The following ZNF154 variants were observed in gnomAD, a reference collection of about 807,000 sequenced individuals.
ZNF154 encodes the protein zinc finger protein 154 (pHZ-92).
Under a neutral mutation model 7.5 loss-of-function variants are expected in ZNF154, and 6 were observed. That is an observed-to-expected ratio of 0.80 (90% CI 0.44 to 1.57). The LOEUF is 1.57. Among genes scored for constraint, ZNF154 ranks in the 40% most tolerant of loss-of-function variants. The pLI, the probability that ZNF154 is intolerant of heterozygous loss-of-function variation, is 0.01. For synonymous variants in ZNF154, 187 were observed against 185.9 expected (o/e 1.01, Z -0.05); for missense variants, 485 against 531.4 (o/e 0.91, Z 0.86).
In ZNF154 at chr19:57,704,843, A is replaced by G. The variant is rs1341736778; in HGVS notation, c.160+10T>C. ...AGCTCAGGGCACAGGAAAGGGTAAA[A>G]GAACCTTACCTAGAGAGGTTAAAAG... On this transcript the variant is annotated intron_variant, in intron 2 of 2. Transcript: ENST00000684351. The G allele has an allele frequency of 1.9e-6, 3 of 1,608,838 alleles. No homozygotes were observed. The highest frequency in any genetic ancestry group is 2.5e-6 in the Non-Finnish European group (3 of 1,178,542).
chr19:57,704,896 G>A lies in ZNF154; in HGVS notation c.117C>T (p.Tyr39=). 6.2e-7 allele frequency: 1 copy of A among 1,613,638 alleles called. No individual in the cohort carries two copies. Among genetic ancestry groups the A allele is most frequent in the Non-Finnish European group, 8.5e-7 (1 of 1,179,880 alleles). The part of the protein sequence containing the change: ...GLLDEAQRCL[Y]RDVMLENLAL... ...CCAAGTTCTCCAGCATCACATCACG[G>A]TACAGGCATCTTTGAGCCTCATCAA... The change falls in exon 2 of 3, where the codon TAC becomes TAT. Residue 39 remains tyrosine (Y), a synonymous_variant. Transcript: ENST00000684351.
At chr19:57,705,016 C>G in intron 1 of ZNF154, 37 bp from the exon 2 acceptor site, 2 of 1,584,124 alleles carry the variant, frequency 1.3e-6, no homozygotes, top group Non-Finnish European at 1.7e-6. Flanking sequence ...ACCAAGAGCC[C>G]CTATCCCAAG....
chr19:57,697,133 T>C lies in ZNF154; in HGVS notation c.*4502A>G, dbSNP rs1984926836. On this transcript the variant is annotated 3_prime_UTR_variant, in exon 3 of 3. Coordinates refer to ENST00000684351, the MANE Select transcript of ZNF154 (RefSeq NM_001085384.3). ...GAAGGAGTGAGGCTTTTTTCTTACC[T>C]TGCAATTTCTTAGTGGATTGTCTGT... Among the ~76,000 whole-genome samples, 1 of 152,230 alleles carries C rather than the reference T, an allele frequency of 6.6e-6. No individual in the cohort carries two copies. Among genetic ancestry groups the C allele is most frequent in the Admixed American group, 6.5e-5 (1 of 15,284 alleles).
intron 1 of ZNF154, among the ~76,000 whole-genome samples, chr19:57,706,031 A>G (rs1160552102): frequency 6.6e-6 from 1 of 152,138 alleles, no homozygotes; most frequent in East Asian, 1.9e-4. Flanking sequence ...GGTCTCCTTG[A>G]TTAAAAGGGT....
chr19:57,701,730 G>GAACC lies in ZNF154; in HGVS notation c.1215_1218dup (p.His407GlyfsTer9). 1 of 1,614,176 alleles carries GAACC rather than the reference G, an allele frequency of 6.2e-7. No individual in the cohort carries two copies. Among genetic ancestry groups the GAACC allele is most frequent in the Non-Finnish European group, 8.5e-7 (1 of 1,180,014 alleles). On this transcript the variant is annotated frameshift_variant, in exon 3 of 3. Coordinates refer to ENST00000684351, the MANE Select transcript of ZNF154 (RefSeq NM_001085384.3). LOFTEE classifies it low-confidence loss of function (END_TRUNC). Reference sequence around the variant, plus strand: ...CACTCATAAGGCTTCTCCCCAGTGTGAACCCTCCTGTGCTTAATGAGGCCG... The same window carrying GAACC: ...CACTCATAAGGCTTCTCCCCAGTGTGAACCAACCCTCCTGTGCTTAATGAGGCCG...
chr19:57,704,990 G>A lies in ZNF154; in HGVS notation c.34-11C>T. The stretch of plus-strand genomic sequence containing the variant: ...AAAGGTCACAGTGCCCTGCCACAAT[G>A]GGAACAGATGAAACCACCAAGAGCC... On this transcript the variant is annotated splice_polypyrimidine_tract_variant and intron_variant, in intron 1 of 2. Transcript: ENST00000684351. 4.4e-6 allele frequency: 7 copies of A among 1,602,354 alleles called. No homozygotes were observed. The highest frequency in any genetic ancestry group is 6.0e-6 in the Non-Finnish European group (7 of 1,175,806).
chr19:57,708,394 G>A (rs189767169), intron 1 of ZNF154, among the ~76,000 whole-genome samples: 212 of 152,142 alleles, frequency 1.4e-3, no homozygotes, highest in African/African-American at 4.9e-3. Flanking sequence ...GTGAAATCCC[G>A]TCTCTACTAA....
chr19:57,697,673 T>C lies in ZNF154; in HGVS notation c.*3962A>G, dbSNP rs1600028835. 1 of 152,002 alleles carries C rather than the reference T, an allele frequency of 6.6e-6. No individual in the cohort carries two copies. Among genetic ancestry groups the C allele is most frequent in the South Asian group, 2.1e-4 (1 of 4,820 alleles). The allele number at this position is 152,002 out of a possible 1,614,324, so 9.4% of individuals were successfully genotyped here. A position where few individuals can be genotyped will look rare whatever the true frequency, so the allele number is the denominator to read the frequency against. On this transcript the variant is annotated 3_prime_UTR_variant, in exon 3 of 3. Transcript: ENST00000684351. ...AGGCTATGCATTAAATAATATGATA[T>C]CCGGGAGTATAAGTAAAATAACGCA... is the stretch of plus-strand genomic sequence containing the variant.
At chr19:57,705,087 A>G in intron 1 of ZNF154, 108 bp from the exon 2 acceptor site, 6 of 1,442,814 alleles carry the variant, frequency 4.2e-6, no homozygotes, top group South Asian at 1.5e-5. Flanking sequence ...AAGCTCCCCA[A>G]CTGAGAGGAG....
intron 2 of ZNF154, among the ~76,000 whole-genome samples, chr19:57,703,684 G>A (rs1600036208): frequency 6.6e-6 from 1 of 152,126 alleles, no homozygotes; most frequent in South Asian, 2.1e-4. Context: ...AAATACGACT[G>A]CAATGCAGCA....
chr19:57,696,616 A>G lies in ZNF154; in HGVS notation c.*5019T>C, dbSNP rs1489349505. 6.6e-6 allele frequency among the ~76,000 whole-genome samples: 1 copy of G among 152,166 alleles called. No homozygotes were observed. The highest frequency in any genetic ancestry group is 1.5e-5 in the Non-Finnish European group (1 of 68,040). On this transcript the variant is annotated 3_prime_UTR_variant, in exon 3 of 3. Transcript: ENST00000684351. ...GGAAGTGCTGCAAGCACCAAGACCC[A>G]GGGTGGTAACTTGCAGGGGGAGGCC...
At chr19:57,704,779 A>C in intron 2 of ZNF154, 74 bp downstream of exon 2, 1 of 1,552,098 alleles carries the variant, frequency 6.4e-7, no homozygotes, top group Non-Finnish European at 8.7e-7. Flanking sequence ...CATGAGAAGG[A>C]CAGACCTGCC....
rs1304845227 is a variant in ZNF154, at chr19:57,696,923, C to T, written c.*4712G>A. Among the ~76,000 whole-genome samples the T allele has an allele frequency of 6.6e-6, 1 of 152,210 alleles. No homozygotes were observed. Among genetic ancestry groups the T allele is most frequent in the African/African-American group, 2.4e-5 (1 of 41,452 alleles). On this transcript the variant is annotated 3_prime_UTR_variant, in exon 3 of 3. Transcript: ENST00000684351. ...ATCCAGCAGCCCCAAGGCAGCTCCC[C>T]TCATTATCCTCTGTCATAAAGATAT...
chr19:57,699,517 CAA>C lies in ZNF154; in HGVS notation c.*2116_*2117del, dbSNP rs2122376387. 3.1e-6 allele frequency: 1 copy of C among 323,556 alleles called. No homozygotes were observed. Among genetic ancestry groups the C allele is most frequent in the Admixed American group, 3.1e-5 (1 of 32,654 alleles). 20.0% of individuals were successfully genotyped at this position (323,556 alleles called of 1,614,324 possible). ...GGTTCAAGAAGTTTTGCAAAGGAGA[CAA>C]GAGCCTTGAAGAGAAGTAGTGGCCA... is the stretch of plus-strand genomic sequence containing the variant. On this transcript the variant is annotated 3_prime_UTR_variant, in exon 3 of 3. Transcript: ENST00000684351.
Position 57,709,099 on chromosome 19 carries a change from G to A in ZNF154, c.-128C>T. 1 of 1,305,716 alleles carries A rather than the reference G, an allele frequency of 7.7e-7. No individual in the cohort carries two copies. The highest frequency in any genetic ancestry group is 1.1e-6 in the Non-Finnish European group (1 of 935,570). The allele number at this position is 1,305,716 out of a possible 1,614,324, so 80.9% of individuals were successfully genotyped here. On this transcript the variant is annotated 5_prime_UTR_variant, in exon 1 of 3. It adds an upstream start codon to the 5' untranslated region. Coordinates refer to ENST00000684351, the MANE Select transcript of ZNF154 (RefSeq NM_001085384.3). ...GCGTCGCCAAGGCTTAGACGCTTTCGTGCAGGAGGGACGACGACTCCCCTC... is the reference window on the plus strand; with the variant it reads ...GCGTCGCCAAGGCTTAGACGCTTTCATGCAGGAGGGACGACGACTCCCCTC...
At position 57,699,407 on chromosome 19, in the gene ZNF154, C is replaced by A. The variant is rs11881977; in HGVS notation, c.*2228G>T. The stretch of plus-strand genomic sequence containing the variant: ...GGCTGAGATTTTCTTACTTGAGTTC[C>A]CAATGGGTCGTAAAGCAGCAGAGAC... On this transcript the variant is annotated 3_prime_UTR_variant, in exon 3 of 3. Coordinates refer to ENST00000684351, the MANE Select transcript of ZNF154 (RefSeq NM_001085384.3). 151,485 of 261,382 alleles carry A rather than the reference C, an allele frequency of 0.58. 48,090 individuals are homozygous for A. Among genetic ancestry groups the A allele is most frequent in the African/African-American group, 0.9 (40,524 of 44,780 alleles). 16.2% of individuals were successfully genotyped at this position (261,382 alleles called of 1,614,324 possible).
chr19:57,701,162 G>GAAA lies in ZNF154; in HGVS notation c.*470_*472dup, dbSNP rs34109195. ...GTCCATGGCCTAACTCATCAGAAAG[G>GAAA]AAAAAAAAAAAACGGAATAAATGCT... On this transcript the variant is annotated 3_prime_UTR_variant, in exon 3 of 3. Coordinates refer to ENST00000684351, the MANE Select transcript of ZNF154 (RefSeq NM_001085384.3). The GAAA allele has an allele frequency of 7.3e-5, 11 of 150,212 alleles. No individual in the cohort carries two copies. Among genetic ancestry groups the GAAA allele is most frequent in the Admixed American group, 2.5e-4 (4 of 16,232 alleles). The allele number at this position is 150,212 out of a possible 1,614,324, so 9.3% of individuals were successfully genotyped here.
At chr19:57,703,077 C>T (rs957148723) in intron 2 of ZNF154, among the ~76,000 whole-genome samples, 1 of 152,308 alleles carries the variant, frequency 6.6e-6, no homozygotes, top group South Asian at 2.1e-4. Context: ...TGGGAGGGGG[C>T]AGCCCTTATA....
In ZNF154 at chr19:57,704,842, AAG is replaced by A; in HGVS notation, c.160+9_160+10del. ...TAGCTCAGGGCACAGGAAAGGGTAAAAGAACCTTACCTAGAGAGGTTAAAAGA... is the reference window on the plus strand; with the variant it reads ...TAGCTCAGGGCACAGGAAAGGGTAAAAACCTTACCTAGAGAGGTTAAAAGA... On this transcript the variant is annotated intron_variant, in intron 2 of 2. Coordinates refer to ENST00000684351, the MANE Select transcript of ZNF154 (RefSeq NM_001085384.3). 1 of 1,609,188 alleles carries A rather than the reference AAG, an allele frequency of 6.2e-7. No homozygotes were observed. The highest frequency in any genetic ancestry group is 8.5e-7 in the Non-Finnish European group (1 of 1,178,638).
Sources: allele counts gnomAD v4.1 joint callset (sites outside exome capture counted in the v4.1 genomes callset), GRCh38; gene constraint gnomAD v4.1.1; transcripts MANE v1.5; gene names NCBI Gene and HGNC (gene_info 2026-07-23, HGNC 2026-07-21).